UBXN6: variants seen among roughly 807,000 people sequenced by gnomAD.
UBXN6 encodes UBX domain-containing protein 6.
A neutral mutation model predicts 51.4 loss-of-function variants in UBXN6; 44 were observed. The ratio of observed to expected loss-of-function variants is 0.86; its 90% CI spans 0.67 to 1.10. The LOEUF (loss-of-function observed/expected upper bound fraction) is 1.10. Ranked by LOEUF, UBXN6 falls within the 50% of genes least tolerant of loss-of-function variation. UBXN6 has a pLI of 0.00. For synonymous variants in UBXN6, 316 were observed against 263.2 expected, an observed-to-expected ratio of 1.20 and a Z score of -1.94; for missense variants, 672 against 596.1, an observed-to-expected ratio of 1.13 and a Z score of -1.32.
At chr19:4,452,038 A>G (rs573320661) in intron 4 of UBXN6, among the ~76,000 whole-genome samples, 1 of 150,982 alleles carries the variant, frequency 6.6e-6, no homozygotes, top group African/African-American at 2.4e-5. Context: ...AATCCCAGCT[A>G]CTTGAGAGGC....
rs1346992271 is a variant in UBXN6 at position 4,445,428 on chromosome 19, G to A, written c.*70C>T. On this transcript the variant is annotated 3_prime_UTR_variant, in exon 11 of 11. Transcript: ENST00000301281. ...TTCCAGAGGTGGCTTGGAGGCCCTG[G>A]GGTGGCGGGGAGAGGAACAGGGAGA... 1.9e-6 allele frequency: 3 copies of A among 1,599,388 alleles called. No homozygotes were observed. The highest frequency in any genetic ancestry group is 2.6e-6 in the Non-Finnish European group (3 of 1,170,646).
At chr19:4,454,286 C>G (rs576564069) in intron 1 of UBXN6, among the ~76,000 whole-genome samples, 193 bp from the exon 2 acceptor site, 1 of 152,330 alleles carries the variant, frequency 6.6e-6, no homozygotes, top group African/African-American at 2.4e-5. Context: ...GGCGGAAGAG[C>G]CCCTGGAGGA....
Position 4,445,302 on chromosome 19 carries a change from C to T in UBXN6, c.*196G>A. The T allele has an allele frequency of 2.2e-6, 2 of 895,128 alleles. No homozygotes were observed. Among genetic ancestry groups the T allele is most frequent in the Non-Finnish European group, 3.4e-6 (2 of 589,644 alleles). 55.4% of individuals were successfully genotyped at this position (895,128 alleles called of 1,614,324 possible). A position where few individuals can be genotyped will look rare whatever the true frequency, so the allele number is the denominator to read the frequency against. Reference sequence around the variant, plus strand: ...GGCCTCTCCCTCGGGGGCTTGGGCGCATCCCCACAGCCCCCAAGGGATGGG... The same window carrying T: ...GGCCTCTCCCTCGGGGGCTTGGGCGTATCCCCACAGCCCCCAAGGGATGGG... On this transcript the variant is annotated 3_prime_UTR_variant, in exon 11 of 11. Transcript: ENST00000301281.
chr19:4,448,771 G>C, intron 4 of UBXN6: 1 of 266,348 alleles, frequency 3.8e-6, no homozygotes, highest in South Asian at 4.5e-5. Flanking sequence ...GCCACTTACA[G>C]AACCTCCCGC....
chr19:4,457,797 A>AAT (rs1476247344), upstream of UBXN6: 46 of 34,838 alleles, frequency 1.3e-3, 1 homozygote, highest in African/African-American at 0.025. Flanking sequence ...AAGAAAATTA[A>AAT]AAAAAAAAAA....
At position 4,454,086 on chromosome 19, in the gene UBXN6, C is replaced by T. The variant is rs1127888; in HGVS notation, c.91G>A (p.Ala31Thr). 0.25 allele frequency: 384,937 copies of T among 1,551,940 alleles called. 50,437 individuals are homozygous for T. The highest frequency in any genetic ancestry group is 0.27 in the Non-Finnish European group (313,671 of 1,153,728). ...GGCTGGTTGGGCTTCTCTTTGTGGG[C>T]CTTTTCCCTGGGAACAGACCGAGGG... is the stretch of plus-strand genomic sequence containing the variant. The part of the protein sequence containing the change: ...QKLKESVGEK[A>T]HKEKPNQPAP... The change falls in exon 2 of 11, where the codon GCC becomes ACC. Residue 31 changes from alanine (A) to threonine (T), a missense_variant. Transcript: ENST00000301281.
chr19:4,451,059 T>C (rs1159834518), intron 4 of UBXN6, among the ~76,000 whole-genome samples: 2 of 152,138 alleles, frequency 1.3e-5, no homozygotes, highest in African/African-American at 4.8e-5. Context: ...TTGTTTTGTT[T>C]TGTTTTTAAG....
At chr19:4,454,169 A>G in intron 1 of UBXN6, 76 bp from the exon 2 acceptor site, 1 of 1,408,892 alleles carries the variant, frequency 7.1e-7, no homozygotes, top group Non-Finnish European at 9.4e-7. Context: ...CACACAGAGG[A>G]GCTTCTGCCC....
chr19:4,446,465 C>T (rs1301149914), intron 8 of UBXN6, 35 bp downstream of exon 8: 2 of 1,588,720 alleles, frequency 1.3e-6, no homozygotes, highest in Non-Finnish European at 1.7e-6. Context: ...TCCACCCCGC[C>T]CCGCCCCACT....
At position 4,453,523 on chromosome 19, in the gene UBXN6, C is replaced by G. The variant is rs1250375277; in HGVS notation, c.248-1G>C. The G allele has an allele frequency of 1.2e-6, 2 of 1,613,468 alleles. No homozygotes were observed. Among genetic ancestry groups the G allele is most frequent in the Non-Finnish European group, 1.7e-6 (2 of 1,179,898 alleles). On this transcript the variant is annotated splice_acceptor_variant, in intron 2 of 10. Coordinates refer to ENST00000301281, the MANE Select transcript of UBXN6 (RefSeq NM_025241.3). LOFTEE classifies it high-confidence loss of function. ...GCTTCGGCTTGAAGTTCCTTTCTCA[C>G]TGGAAGGCAGCCCAAGAAAGAGAGG...
chr19:4,448,042 G>A (rs1029781046), intron 5 of UBXN6: 2 of 547,090 alleles, frequency 3.7e-6, no homozygotes, highest in Admixed American at 3.1e-5. Context: ...GGAGTGGGGT[G>A]GGACCCTGCC....
chr19:4,451,219 G>A (rs528775410), intron 4 of UBXN6, among the ~76,000 whole-genome samples: 2 of 152,208 alleles, frequency 1.3e-5, no homozygotes, highest in East Asian at 3.9e-4. Flanking sequence ...ACCACGCCTG[G>A]CTAATTTTTG....
At position 4,446,829 on chromosome 19, in the gene UBXN6, C is replaced by T. The variant is rs150635571; in HGVS notation, c.700+7G>A. The T allele has an allele frequency of 7.4e-6, 12 of 1,614,056 alleles. No homozygotes were observed. The African/African-American group carries it at 1.1e-4, about 14-fold the overall frequency. On this transcript the variant is annotated splice_region_variant and intron_variant, in intron 7 of 10. Transcript: ENST00000301281. ...ATTCCCTACTCAGCCAGGCCCTGTC[C>T]ACTTACCCTGATCCTGGGCGGGAAG...
chr19:4,456,381 G>C (rs139905537), intron 1 of UBXN6, among the ~76,000 whole-genome samples: 5 of 109,006 alleles, frequency 4.6e-5, no homozygotes, highest in Admixed American at 2.2e-4. Flanking sequence ...CCACTGCCCC[G>C]TGATTCCTGA....
At chr19:4,456,254 C>A (rs1974738238) in intron 1 of UBXN6, among the ~76,000 whole-genome samples, 1 of 146,932 alleles carries the variant, frequency 6.8e-6, no homozygotes, top group African/African-American at 2.5e-5. Context: ...ATGAAGGGCT[C>A]CCCCGATTTG....
chr19:4,448,170 TG>T, intron 5 of UBXN6, 147 bp downstream of exon 5: 1 of 694,384 alleles, frequency 1.4e-6, no homozygotes, highest in Non-Finnish European at 2.4e-6. Flanking sequence ...CTGAGGCCTC[TG>T]GGTGGAGCTG....
intron 1 of UBXN6, chr19:4,455,153 C>G (rs770163788): frequency 2.5e-5 from 24 of 967,994 alleles, no homozygotes; most frequent in Middle Eastern, 5.4e-4. Flanking sequence ...CAGAGAAGCC[C>G]TTTCTCCCAA....
At chr19:4,447,987 C>T (rs983999050) in intron 5 of UBXN6, 6 of 504,820 alleles carry the variant, frequency 1.2e-5, no homozygotes, top group African/African-American at 1.9e-5. Flanking sequence ...TCGGCGTTGG[C>T]GGGCAGCGTG....
intron 3 of UBXN6, 97 bp downstream of exon 3, chr19:4,453,361 C>T: frequency 1.4e-6 from 2 of 1,402,654 alleles, no homozygotes; most frequent in Admixed American, 2.0e-5. Context: ...TCCAACAGCC[C>T]TTGAGCCCCA....
Sources: allele counts gnomAD v4.1 joint callset (sites outside exome capture counted in the v4.1 genomes callset), GRCh38; gene constraint gnomAD v4.1.1; transcripts MANE v1.5; gene names NCBI Gene and HGNC (gene_info 2026-07-23, HGNC 2026-07-21).